Variants in FARS2 observed in about 807,000 individuals in gnomAD.
FARS2 encodes the protein phenylalanyl-tRNA synthetase 2, mitochondrial.
A neutral mutation model predicts 46.4 loss-of-function variants in FARS2; 40 were observed. The observed-to-expected ratio is 0.86, with a 90% confidence interval of 0.67 to 1.12. The LOEUF (loss-of-function observed/expected upper bound fraction) is 1.12, where lower values mean the gene tolerates loss of function less well. Among genes scored for constraint, FARS2 ranks in the 50% most tolerant of loss-of-function variants. The probability of loss-of-function intolerance (pLI) is 0.00; values close to 1 mark genes in which losing one functional copy is unlikely to be tolerated. For synonymous variants in FARS2, 234 were observed against 214.9 expected, an observed-to-expected ratio of 1.09 and a Z score of -0.78; for missense variants, 513 against 567.9, an observed-to-expected ratio of 0.90 and a Z score of 0.98.
chr6:5,534,177 A>T (rs1339529431), intron 4 of FARS2, among the ~76,000 whole-genome samples: 1 of 152,202 alleles, frequency 6.6e-6, no homozygotes, highest in Admixed American at 6.5e-5. Context: ...GAAAAAATAT[A>T]TGTATGTTGT....
intron 4 of FARS2, among the ~76,000 whole-genome samples, chr6:5,433,042 G>A (rs987932410): frequency 6.6e-6 from 1 of 152,144 alleles, no homozygotes; most frequent in East Asian, 1.9e-4. Context: ...AGCTTCGTGG[G>A]CAGTTTTAAA....
chr6:5,294,082 A>G (rs1200688480), intron 1 of FARS2, among the ~76,000 whole-genome samples: 6 of 152,236 alleles, frequency 3.9e-5, no homozygotes, highest in Non-Finnish European at 7.3e-5. Flanking sequence ...GATGTTCTGT[A>G]TAGTTATAAA....
chr6:5,335,909 T>C (rs187073269), intron 1 of FARS2, among the ~76,000 whole-genome samples: 2 of 152,326 alleles, frequency 1.3e-5, no homozygotes, highest in East Asian at 3.9e-4. Context: ...AATTCCGTTC[T>C]TTTTGTACGT....
At chr6:5,499,421 G>A (rs539344688) in intron 4 of FARS2, among the ~76,000 whole-genome samples, 1 of 152,248 alleles carries the variant, frequency 6.6e-6, no homozygotes, top group African/African-American at 2.4e-5. Flanking sequence ...GTGAATTAGG[G>A]CAATGCAATG....
chr6:5,686,564 G>A (rs1757242665), intron 6 of FARS2, among the ~76,000 whole-genome samples: 1 of 152,130 alleles, frequency 6.6e-6, no homozygotes, highest in Admixed American at 6.6e-5. Context: ...AGTATTCCAT[G>A]GTATATATGT....
chr6:5,260,469 C>A (rs577233867), upstream of FARS2, among the ~76,000 whole-genome samples: 41 of 152,384 alleles, frequency 2.7e-4, no homozygotes, highest in East Asian at 2.3e-3. Context: ...TCCCCGAGGT[C>A]TCAGAGGCCA....
chr6:5,416,335 AATTTT>A (rs1458908351), intron 3 of FARS2, among the ~76,000 whole-genome samples: 5 of 152,156 alleles, frequency 3.3e-5, no homozygotes, highest in African/African-American at 1.2e-4. Context: ...TACGGATTGA[AATTTT>A]GTTTTCCATA....
intron 3 of FARS2, among the ~76,000 whole-genome samples, chr6:5,413,412 C>A (rs891025204): frequency 2.0e-5 from 3 of 152,036 alleles, no homozygotes; most frequent in African/African-American, 7.2e-5. Context: ...GGAACTACAC[C>A]CATTGCAAAC....
rs187976043 is a variant in FARS2, at chr6:5,566,612, T to C, written c.1065+21272T>C. On this transcript the variant is annotated intron_variant, in intron 5 of 6. Coordinates refer to ENST00000274680, the MANE Select transcript of FARS2 (RefSeq NM_006567.5). Reference sequence around the variant, plus strand: ...TGGTAAGACACAAAATGGAGAAAAATAATTCAGTTAACTGAGAAGAAAAGA... The same window carrying C: ...TGGTAAGACACAAAATGGAGAAAAACAATTCAGTTAACTGAGAAGAAAAGA... Among the ~76,000 whole-genome samples, 575 of 152,166 alleles carry C rather than the reference T, an allele frequency of 3.8e-3. 5 individuals carry two copies. The highest frequency in any genetic ancestry group is 2.4e-3 in the Non-Finnish European group (161 of 67,994).
At chr6:5,388,019 G>A (rs1404755012) in intron 2 of FARS2, among the ~76,000 whole-genome samples, 3 of 150,980 alleles carry the variant, frequency 2.0e-5, no homozygotes, top group Non-Finnish European at 4.4e-5. Flanking sequence ...TGGTACATTT[G>A]TCACAATTGG....
At chr6:5,480,725 G>A (rs1198295768) in intron 4 of FARS2, among the ~76,000 whole-genome samples, 1 of 152,118 alleles carries the variant, frequency 6.6e-6, no homozygotes, top group Non-Finnish European at 1.5e-5. Flanking sequence ...AAAAACTTCT[G>A]CTACCACTGT....
intron 4 of FARS2, among the ~76,000 whole-genome samples, chr6:5,433,691 G>A (rs1562037869): frequency 6.6e-6 from 1 of 152,210 alleles, no homozygotes; most frequent in Non-Finnish European, 1.5e-5. Context: ...AAATACCTCT[G>A]TGATGATTTG....
intron 1 of FARS2, among the ~76,000 whole-genome samples, chr6:5,355,931 C>A (rs149411567): frequency 2.3e-4 from 35 of 152,214 alleles, no homozygotes; most frequent in Middle Eastern, 3.4e-3. Context: ...TGTTTTTAAC[C>A]TCAAAATAAG....
At chr6:5,411,431 A>G (rs1761936491) in intron 3 of FARS2, among the ~76,000 whole-genome samples, 5 of 152,198 alleles carry the variant, frequency 3.3e-5, no homozygotes, top group Admixed American at 3.3e-4. Context: ...ACTACATCAT[A>G]TCCAATTACA....
chr6:5,265,458 T>C (rs1037421012), intron 1 of FARS2, among the ~76,000 whole-genome samples: 4 of 152,234 alleles, frequency 2.6e-5, no homozygotes, highest in African/African-American at 9.6e-5. Context: ...GGCTGAGTTA[T>C]ATAAGTAGAA....
chr6:5,730,243 C>G (rs1009496534), intron 6 of FARS2, among the ~76,000 whole-genome samples: 1 of 152,190 alleles, frequency 6.6e-6, no homozygotes, highest in African/African-American at 2.4e-5. Flanking sequence ...TAAACATACT[C>G]AAACTGTGAG....
intron 3 of FARS2, among the ~76,000 whole-genome samples, chr6:5,415,559 C>T (rs545699804): frequency 1.2e-4 from 18 of 152,126 alleles, no homozygotes; most frequent in South Asian, 1.0e-3. Flanking sequence ...TCAGGTGATT[C>T]ACCCACCTCG....
intron 1 of FARS2, among the ~76,000 whole-genome samples, chr6:5,347,998 T>G (rs1014878579): frequency 6.6e-6 from 1 of 152,236 alleles, no homozygotes; most frequent in African/African-American, 2.4e-5. Flanking sequence ...AAGTGTTTGT[T>G]CAAATCTTTT....
intron 6 of FARS2, among the ~76,000 whole-genome samples, chr6:5,645,808 C>T (rs889531253): frequency 2.6e-5 from 4 of 152,270 alleles, no homozygotes; most frequent in East Asian, 3.9e-4. Context: ...AGTAATTGCA[C>T]GGGCCTCATA....
Sources: gnomAD v4.1 joint callset for allele counts (sites outside exome capture counted in the v4.1 genomes callset) on GRCh38, gnomAD v4.1.1 for gene constraint, MANE v1.5 for transcripts, NCBI Gene and HGNC (gene_info 2026-07-23, HGNC 2026-07-21) for gene names.